Variants in RYR2 observed in about 807,000 individuals in gnomAD.
RYR2 encodes the protein ryanodine receptor 2, also known as cardiac muscle ryanodine receptor-calcium release channel.
In RYR2, 227 loss-of-function variants were observed where a neutral mutation model predicts 601.1. That is an observed-to-expected ratio of 0.38 (90% CI 0.34 to 0.42). RYR2 has a LOEUF of 0.42. RYR2 is among the 10% of genes least tolerant of loss of function. The pLI is 1.00. For missense variants in RYR2, 4,646 were observed against 6,156.5 expected, an observed-to-expected ratio of 0.75 and a Z score of 8.21; for synonymous variants, 2,223 against 2,175.1, an observed-to-expected ratio of 1.02 and a Z score of -0.61.
At chr1:237,535,969 A>G (rs1237354841) in intron 25 of RYR2, among the ~76,000 whole-genome samples, 2 of 152,192 alleles carry the variant, frequency 1.3e-5, no homozygotes, top group Non-Finnish European at 2.9e-5. Flanking sequence ...AATAATCTAT[A>G]AGGTAAAATC....
intron 1 of RYR2, 72 bp from the exon 2 acceptor site, chr1:237,270,425 C>G: frequency 6.5e-7 from 1 of 1,535,178 alleles, no homozygotes; most frequent in Non-Finnish European, 8.8e-7. Flanking sequence ...TAATGTTCTT[C>G]AAGATATGAT....
intron 100 of RYR2, among the ~76,000 whole-genome samples, chr1:237,813,333 C>T (rs534895154): frequency 6.6e-6 from 1 of 152,230 alleles, no homozygotes; most frequent in Admixed American, 6.5e-5. Flanking sequence ...GTTATGTATT[C>T]CTAAAGGCTA....
At chr1:237,564,344 C>G (rs1671749903) in intron 27 of RYR2, among the ~76,000 whole-genome samples, 1 of 152,118 alleles carries the variant, frequency 6.6e-6, no homozygotes, top group South Asian at 2.1e-4. Flanking sequence ...GGTATCGGCT[C>G]ACTGCATCCT....
At chr1:237,498,113 G>T (rs1235634120) in intron 20 of RYR2, among the ~76,000 whole-genome samples, 1 of 152,070 alleles carries the variant, frequency 6.6e-6, no homozygotes, top group African/African-American at 2.4e-5. Flanking sequence ...TGATCTGCCT[G>T]CCTCCGCTTC....
chr1:237,720,106 T>G (rs1402718307), intron 73 of RYR2, among the ~76,000 whole-genome samples: 2 of 152,226 alleles, frequency 1.3e-5, no homozygotes, highest in Non-Finnish European at 2.9e-5. Flanking sequence ...TTTGGAAATT[T>G]TTTATACCAT....
At chr1:237,420,420 C>T (rs1236154194) in intron 11 of RYR2, among the ~76,000 whole-genome samples, 13 of 152,120 alleles carry the variant, frequency 8.5e-5, no homozygotes, top group African/African-American at 3.1e-4. Context: ...ATCGATAATA[C>T]GTAGGGCACA....
At chr1:237,661,989 AC>A in intron 56 of RYR2, among the ~76,000 whole-genome samples, 1 of 151,260 alleles carries the variant, frequency 6.6e-6, no homozygotes, top group South Asian at 2.1e-4. Flanking sequence ...TCTTTTCCTG[AC>A]CCCTCAGCTC....
In RYR2 at chr1:237,634,935, T is replaced by G; in HGVS notation, c.6735T>G (p.Ala2245=). 1 of 1,609,706 alleles carries G rather than the reference T, an allele frequency of 6.2e-7. No individual in the cohort carries two copies. The highest frequency in any genetic ancestry group is 8.5e-7 in the Non-Finnish European group (1 of 1,178,058). The change falls in exon 44 of 105, where the codon GCT becomes GCG. Residue 2245 remains alanine, a synonymous_variant. Coordinates refer to ENST00000366574, the MANE Select transcript of RYR2 (RefSeq NM_001035.3). ...CAACACCACTGGATGTGGCTGCAGCTTCGGTGATGGATAATAATGAACTAG... is the reference window on the plus strand; with the variant it reads ...CAACACCACTGGATGTGGCTGCAGCGTCGGTGATGGATAATAATGAACTAG... ...RGSTPLDVAA[A]SVMDNNELAL...
chr1:237,293,129 A>G (rs999382641), intron 2 of RYR2, among the ~76,000 whole-genome samples: 9 of 152,144 alleles, frequency 5.9e-5, no homozygotes, highest in Admixed American at 5.9e-4. Flanking sequence ...TTTTGACATC[A>G]TCATCTACCT....
intron 87 of RYR2, among the ~76,000 whole-genome samples, chr1:237,775,255 A>G (rs1333603013): frequency 3.3e-5 from 5 of 152,178 alleles, no homozygotes; most frequent in African/African-American, 7.2e-5. Context: ...GCTTTCCCCA[A>G]TGCTGACATT....
At position 237,042,467 on chromosome 1, in the gene RYR2, C is replaced by T. The variant is rs1660022551; in HGVS notation, c.-55C>T. The T allele has an allele frequency of 1.2e-5, 15 of 1,238,168 alleles. No homozygotes were observed. The South Asian group carries it at 4.1e-4, about 34-fold the overall frequency. 76.7% of individuals were successfully genotyped at this position (1,238,168 alleles called of 1,614,324 possible). A position where few individuals can be genotyped will look rare whatever the true frequency, so the allele number is the denominator to read the frequency against. Reference sequence around the variant, plus strand: ...AGAAGGCAGCGCCAGGGGCCGCCGCCGCCGCCGAGCTCCGCGGGGCTCGGG... The same window carrying T: ...AGAAGGCAGCGCCAGGGGCCGCCGCTGCCGCCGAGCTCCGCGGGGCTCGGG... On this transcript the variant is annotated 5_prime_UTR_variant, in exon 1 of 105. Transcript: ENST00000366574.
intron 12 of RYR2, among the ~76,000 whole-genome samples, chr1:237,437,637 C>A (rs1050549321): frequency 1.3e-5 from 2 of 152,138 alleles, no homozygotes; most frequent in African/African-American, 4.8e-5. Flanking sequence ...TAACAAAGTG[C>A]CAACATTTCC....
chr1:237,324,759 G>A lies in RYR2; in HGVS notation c.169-6119G>A, dbSNP rs372764316. On this transcript the variant is annotated intron_variant, in intron 2 of 104. Transcript: ENST00000366574. ...TCTGAATTCCATGTTCCTGGTACGG[G>A]GATTTACTGCTGTCAAACTGTCAAC... Among the ~76,000 whole-genome samples, 7 of 152,178 alleles carry A rather than the reference G, an allele frequency of 4.6e-5. No homozygotes were observed. The East Asian group carries it at 1.4e-3, about 29-fold the overall frequency.
In RYR2 at chr1:237,492,893, G is replaced by A. The variant is rs1225754031; in HGVS notation, c.1828-61G>A. On this transcript the variant is annotated intron_variant, in intron 18 of 104. Coordinates refer to ENST00000366574, the MANE Select transcript of RYR2 (RefSeq NM_001035.3). ...GAAGAAGGGAAGGAAGGAAGGGAGG[G>A]AGGGAGGGAGGGAAAGCAGGGAGGG... The A allele has an allele frequency of 9.9e-6, 14 of 1,415,094 alleles. No individual in the cohort carries two copies. The Middle Eastern group carries it at 1.0e-3, about 102-fold the overall frequency. The allele number at this position is 1,415,094 out of a possible 1,614,324, so 87.7% of individuals were successfully genotyped here. A position where few individuals can be genotyped will look rare whatever the true frequency, so the allele number is the denominator to read the frequency against.
chr1:237,402,292 A>G (rs1378423663), intron 10 of RYR2, among the ~76,000 whole-genome samples: 1 of 151,614 alleles, frequency 6.6e-6, no homozygotes, highest in African/African-American at 2.4e-5. Context: ...TATAGCAAGT[A>G]TGGAGGAGAG....
At chr1:237,254,002 A>T (rs74650890) in intron 1 of RYR2, among the ~76,000 whole-genome samples, 1 of 152,216 alleles carries the variant, frequency 6.6e-6, no homozygotes, top group Non-Finnish European at 1.5e-5. Context: ...GAACTGATAG[A>T]TAAATGTTAT....
In RYR2 at chr1:237,061,291, CTATCT is replaced by C. The variant is rs1558164240; in HGVS notation, c.48+18723_48+18727del. Among the ~76,000 whole-genome samples, 80 of 111,746 alleles carry C rather than the reference CTATCT, an allele frequency of 7.2e-4. 1 individual carries two copies. In the South Asian group the frequency reaches 0.01, roughly 14 times the overall value. The allele number at this position is 111,746 out of a possible 152,430, so 73.3% of individuals were successfully genotyped here. A position where few individuals can be genotyped will look rare whatever the true frequency, so the allele number is the denominator to read the frequency against. The stretch of plus-strand genomic sequence containing the variant: ...ATCCATCTATCATCTATCTATCTAT[CTATCT>C]ATCTATCTATCTATCTATCTATCTA... On this transcript the variant is annotated intron_variant, in intron 1 of 104. Transcript: ENST00000366574.
intron 98 of RYR2, among the ~76,000 whole-genome samples, chr1:237,805,474 G>A (rs545023365): frequency 4.6e-5 from 7 of 151,492 alleles, no homozygotes; most frequent in Middle Eastern, 3.4e-3. Flanking sequence ...CCAGCTACTC[G>A]GGAGGCTGAG....
At chr1:237,370,963 T>C (rs1201716973) in intron 6 of RYR2, among the ~76,000 whole-genome samples, 1 of 152,112 alleles carries the variant, frequency 6.6e-6, no homozygotes, top group Non-Finnish European at 1.5e-5. Flanking sequence ...CCCGGCCTCA[T>C]TCCATTCTTA....
Sources: allele counts gnomAD v4.1 joint callset (sites outside exome capture counted in the v4.1 genomes callset), GRCh38; gene constraint gnomAD v4.1.1; transcripts MANE v1.5; gene names NCBI Gene and HGNC (gene_info 2026-07-23, HGNC 2026-07-21).